The following GALNT14 variants were observed in gnomAD, a reference collection of about 807,000 sequenced individuals.
GALNT14 encodes the protein UDP-GalNAc:polypeptide N-acetylgalactosaminyltransferase 14.
In GALNT14, 60 loss-of-function variants were observed where a neutral mutation model predicts 77.5. That is an observed-to-expected ratio of 0.77 (90% confidence interval 0.63 to 0.96). The LOEUF is 0.96. GALNT14 is among the 40% of genes least tolerant of loss of function. The pLI, the probability that GALNT14 is intolerant of heterozygous loss-of-function variation, is 0.00. For missense variants in GALNT14, 710 were observed against 731.0 expected (o/e 0.97, Z 0.33); for synonymous variants, 280 against 281.7 (o/e 0.99, Z 0.06).
chr2:30,908,249 T>C (rs1043940265), downstream of GALNT14, among the ~76,000 whole-genome samples: 12 of 152,050 alleles, frequency 7.9e-5, no homozygotes, highest in Non-Finnish European at 1.3e-4. Context: ...GGTATTCAAT[T>C]AGGAAAGGAG....
At chr2:30,886,846 C>G in the GALNT14 span, among the ~76,000 whole-genome samples, 1 of 152,192 alleles carries the variant, frequency 6.6e-6, no homozygotes, top group East Asian at 1.9e-4. Flanking sequence ...ACACCTTGAT[C>G]TTGTCCCAAA....
At chr2:31,023,490 A>G (rs1276444062) in intron 1 of GALNT14, among the ~76,000 whole-genome samples, 2 of 151,920 alleles carry the variant, frequency 1.3e-5, no homozygotes, top group Non-Finnish European at 2.9e-5. Flanking sequence ...CAGCCCCAGA[A>G]CCCTCTTCAG....
chr2:31,037,301 T>C (rs1672798554), intron 1 of GALNT14, among the ~76,000 whole-genome samples: 1 of 152,240 alleles, frequency 6.6e-6, no homozygotes, highest in South Asian at 2.1e-4. Context: ...GTTATTATAC[T>C]TTTCAACTCC....
chr2:31,086,370 C>T (rs1421021164), intron 1 of GALNT14, among the ~76,000 whole-genome samples: 2 of 152,356 alleles, frequency 1.3e-5, no homozygotes, highest in East Asian at 3.9e-4. Flanking sequence ...CCATGCTCCT[C>T]ATCACCAGGC....
intron 13 of GALNT14, among the ~76,000 whole-genome samples, chr2:30,923,216 C>A (rs1665146946): frequency 6.6e-6 from 1 of 151,338 alleles, no homozygotes; most frequent in Non-Finnish European, 1.5e-5. Context: ...GCGCATGCCA[C>A]CCTGCCCGGC....
chr2:31,021,455 C>T (rs548182983), intron 1 of GALNT14, among the ~76,000 whole-genome samples: 1 of 151,970 alleles, frequency 6.6e-6, no homozygotes, highest in Non-Finnish European at 1.5e-5. Context: ...CAGGCGCCCA[C>T]CACGACACCT....
chr2:30,892,843 C>T, the GALNT14 span, among the ~76,000 whole-genome samples: 2 of 152,138 alleles, frequency 1.3e-5, no homozygotes. Context: ...TATCAGTCTC[C>T]ATGAAACTGT....
intron 1 of GALNT14, among the ~76,000 whole-genome samples, chr2:31,074,391 C>T (rs1368440756): frequency 1.9e-4 from 27 of 141,094 alleles, no homozygotes; most frequent in Admixed American, 1.8e-3. Flanking sequence ...CAACAGCCCC[C>T]GTGCATCTTT....
At chr2:31,137,148 C>A (rs1679261161) in intron 1 of GALNT14, among the ~76,000 whole-genome samples, 1 of 152,226 alleles carries the variant, frequency 6.6e-6, no homozygotes, top group Non-Finnish European at 1.5e-5. Flanking sequence ...TATGCCTTTT[C>A]TCCTATTGAT....
At chr2:31,130,012 T>C (rs1272691226) in intron 1 of GALNT14, among the ~76,000 whole-genome samples, 1 of 152,206 alleles carries the variant, frequency 6.6e-6, no homozygotes, top group East Asian at 1.9e-4. Context: ...CATCTGGGCA[T>C]TCAAATCCCA....
At chr2:30,948,890 G>C (rs1193426429) in intron 6 of GALNT14, among the ~76,000 whole-genome samples, 1 of 152,140 alleles carries the variant, frequency 6.6e-6, no homozygotes, top group Non-Finnish European at 1.5e-5. Context: ...TAAAATGCTG[G>C]TTGCTTACTT....
At chr2:30,898,936 C>T in the GALNT14 span, among the ~76,000 whole-genome samples, 2 of 152,136 alleles carry the variant, frequency 1.3e-5, no homozygotes, top group Non-Finnish European at 1.5e-5. Flanking sequence ...AATTTGGGGC[C>T]TGGGTAGAAT....
At chr2:30,971,792 T>C (rs1318166454) in intron 2 of GALNT14, among the ~76,000 whole-genome samples, 1 of 151,734 alleles carries the variant, frequency 6.6e-6, no homozygotes, top group Non-Finnish European at 1.5e-5. Context: ...CAACTTGGCA[T>C]GTCAGAAACA....
At chr2:30,933,670 A>T (rs776848142) in intron 9 of GALNT14, among the ~76,000 whole-genome samples, 10 of 152,094 alleles carry the variant, frequency 6.6e-5, no homozygotes, top group African/African-American at 1.2e-4. Flanking sequence ...GGAAGAGAGC[A>T]CTTCTCATGA....
chr2:31,112,350 G>T (rs1323028383), intron 1 of GALNT14, among the ~76,000 whole-genome samples: 1 of 152,172 alleles, frequency 6.6e-6, no homozygotes, highest in Non-Finnish European at 1.5e-5. Context: ...AGCATTTACT[G>T]ACCTCGTATT....
intron 1 of GALNT14, among the ~76,000 whole-genome samples, chr2:31,051,802 A>C (rs1673887731): frequency 6.6e-6 from 1 of 152,154 alleles, no homozygotes; most frequent in Non-Finnish European, 1.5e-5. Flanking sequence ...TCCTTGCTCA[A>C]TCACCAAAAT....
intron 1 of GALNT14, among the ~76,000 whole-genome samples, chr2:31,012,249 G>A (rs1671078063): frequency 6.6e-6 from 1 of 152,112 alleles, no homozygotes; most frequent in South Asian, 2.1e-4. Context: ...GTACTGCCCT[G>A]GACTTTTGGT....
intron 2 of GALNT14, among the ~76,000 whole-genome samples, chr2:30,987,719 T>G: frequency 2.6e-5 from 1 of 38,692 alleles, no homozygotes; most frequent in Non-Finnish European, 5.7e-5. Flanking sequence ...CTCCCCCTCC[T>G]CCCCCTCCTC....
At chr2:30,965,242 C>T (rs955741541) in intron 3 of GALNT14, among the ~76,000 whole-genome samples, 1 of 152,180 alleles carries the variant, frequency 6.6e-6, no homozygotes, top group Non-Finnish European at 1.5e-5. Flanking sequence ...GGCTAGGCGA[C>T]ACTGGACCTT....
Sources: gnomAD v4.1 joint callset for allele counts (sites outside exome capture counted in the v4.1 genomes callset) on GRCh38, gnomAD v4.1.1 for gene constraint, MANE v1.5 for transcripts, NCBI Gene and HGNC (gene_info 2026-07-23, HGNC 2026-07-21) for gene names.